The following PTPRU variants were observed in gnomAD, a reference collection of about 807,000 sequenced individuals.
The protein encoded by PTPRU is protein tyrosine phosphatase receptor type U.
A neutral mutation model predicts 166.3 loss-of-function variants in PTPRU; 69 were observed. The ratio of observed to expected loss-of-function variants is 0.41; its 90% CI spans 0.34 to 0.51. The LOEUF (loss-of-function observed/expected upper bound fraction) is 0.51. PTPRU is among the 20% of genes least tolerant of loss of function. The probability of loss-of-function intolerance (pLI) is 0.09; values close to 1 mark genes in which losing one functional copy is unlikely to be tolerated. For missense variants in PTPRU, 1,657 were observed against 2,013.7 expected, an observed-to-expected ratio of 0.82 and a Z score of 3.39; for synonymous variants, 793 against 814.0, an observed-to-expected ratio of 0.97 and a Z score of 0.44.
Position 29,317,755 on chromosome 1 carries a change from A to G in PTPRU, c.3521A>G (p.Asn1174Ser). Residue 1174 changes from asparagine to serine, a missense_variant, in exon 25 of 30, where the codon AAC (asparagine) becomes AGC (serine). Physicochemically the swap from Asn to Ser is conservative, Grantham distance 46 (BLOSUM62 1). This residue lies in a region of PTPRU where 1,190 missense variants were observed against 1,477.4 expected (regional missense o/e 0.81). Coordinates refer to ENST00000373779, the MANE Select transcript of PTPRU (RefSeq NM_133178.4). This position sits in a 1 kb window ranked among gnomAD's most constrained non-coding sequence, Gnocchi z 5.6. ...SQLREEFQTL[N>S]SVTPPLDVEE... ...CACCCCCGCTCCCTGTAGACGCTGAACTCGGTCACCCCGCCGCTGGACGTG... is the reference window on the plus strand; with the variant it reads ...CACCCCCGCTCCCTGTAGACGCTGAGCTCGGTCACCCCGCCGCTGGACGTG... The G allele has an allele frequency of 6.2e-7, 1 of 1,608,004 alleles. No homozygotes were observed. The highest frequency in any genetic ancestry group is 1.1e-5 in the South Asian group (1 of 90,952).
At chr1:29,306,023 C>T (rs771036881) in intron 18 of PTPRU, among the ~76,000 whole-genome samples, 6 of 152,164 alleles carry the variant, frequency 3.9e-5, no homozygotes, top group Admixed American at 6.5e-5. Context: ...GTGAGGAAAC[C>T]GGGGCTCAGA....
rs761261976 is a variant in PTPRU at position 29,305,416 on chromosome 1, C to T, written c.2808C>T (p.Ala936=). The T allele has an allele frequency of 8.1e-6, 13 of 1,613,738 alleles. No homozygotes were observed. In the South Asian group the frequency reaches 1.2e-4, roughly 15 times the overall value. Residue 936 remains alanine, a synonymous_variant, in exon 18 of 30, where the codon GCC becomes GCT. Transcript: ENST00000373779. ...ACCCCAATGCCGACTACATTAATGC[C>T]AACTACATAGATGTGAGTGCCTTGC... ...LGDPNADYIN[A]NYIDGYHRSN...
intron 1 of PTPRU, among the ~76,000 whole-genome samples, chr1:29,245,595 G>A (rs116765490): frequency 9.9e-4 from 151 of 152,318 alleles, no homozygotes; most frequent in African/African-American, 3.5e-3. Flanking sequence ...ATTGCATTGA[G>A]GGTGTGCGTT....
chr1:29,261,191 G>A (rs1463148042), intron 7 of PTPRU, among the ~76,000 whole-genome samples: 8 of 152,314 alleles, frequency 5.3e-5, no homozygotes, highest in African/African-American at 1.9e-4. Flanking sequence ...ATGTGACTGA[G>A]GTACAGAGAT....
At position 29,259,663 on chromosome 1, in the gene PTPRU, T is replaced by C. The variant is rs927979899; in HGVS notation, c.675+99T>C. ...CCCAGATTGCTGAGTCCCTGCTTCA[T>C]ACTCCAGCACTGCGCACAGCGTCCC... On this transcript the variant is annotated intron_variant, in intron 5 of 29. Coordinates refer to ENST00000373779, the MANE Select transcript of PTPRU (RefSeq NM_133178.4). The C allele has an allele frequency of 5.0e-5, 66 of 1,310,698 alleles. 1 individual carries two copies. In the Admixed American group the frequency reaches 8.1e-4, roughly 16 times the overall value. 81.2% of individuals were successfully genotyped at this position (1,310,698 alleles called of 1,614,324 possible).
At chr1:29,313,036 C>T (rs749083681) in intron 22 of PTPRU, among the ~76,000 whole-genome samples, 1 of 152,200 alleles carries the variant, frequency 6.6e-6, no homozygotes, top group Non-Finnish European at 1.5e-5. Context: ...TTGTTGCACA[C>T]CTGCCGCGTG....
chr1:29,255,498 C>G, intron 2 of PTPRU, 92 bp downstream of exon 2: 1 of 1,519,458 alleles, frequency 6.6e-7, no homozygotes, highest in Non-Finnish European at 9.0e-7. Context: ...ATTACTTAAC[C>G]TCTCTGGGCC....
In PTPRU at chr1:29,303,849, C is replaced by T; in HGVS notation, c.2477-6C>T. 1 of 1,599,384 alleles carries T rather than the reference C, an allele frequency of 6.3e-7. No homozygotes were observed. The highest frequency in any genetic ancestry group is 8.6e-7 in the Non-Finnish European group (1 of 1,168,712). On this transcript the variant is annotated splice_region_variant and splice_polypyrimidine_tract_variant and intron_variant, in intron 15 of 29. Transcript: ENST00000373779. ...CAAGAACCCTTTTGTCTTTCTCTGA[C>T]TGCAGGAGACCAGCGCAGCGGTGGG... is the stretch of plus-strand genomic sequence containing the variant.
In PTPRU at chr1:29,275,516, G is replaced by A. The variant is rs201530682; in HGVS notation, c.1213G>A (p.Glu405Lys). Residue 405 changes from glutamate (E) to lysine (K), a missense_variant, in exon 8 of 30, where the codon GAA (glutamate) becomes AAA (lysine). This residue lies in a region of PTPRU where 1,190 missense variants were observed against 1,477.4 expected (regional missense o/e 0.81). Coordinates refer to ENST00000373779, the MANE Select transcript of PTPRU (RefSeq NM_133178.4). ...GGCCCGTCAGCTGACCCTGCAGTGG[G>A]AACCACTGGGCTACAACGTGACGCG... The part of the protein sequence containing the change: ...IQARQLTLQW[E>K]PLGYNVTRCH... The A allele has an allele frequency of 6.2e-7, 1 of 1,614,166 alleles. No homozygotes were observed. The highest frequency in any genetic ancestry group is 2.2e-5 in the East Asian group (1 of 44,890).
At chr1:29,310,859 C>G (rs964632227) in intron 19 of PTPRU, 79 bp downstream of exon 19, 3 of 1,500,024 alleles carry the variant, frequency 2.0e-6, no homozygotes, top group Non-Finnish European at 2.8e-6. Flanking sequence ...GCCTTTCTGC[C>G]TCCCCTGCTG....
rs958470597 is a variant in PTPRU, at chr1:29,326,112, G to C, written c.*451G>C. On this transcript the variant is annotated 3_prime_UTR_variant, in exon 30 of 30. Coordinates refer to ENST00000373779, the MANE Select transcript of PTPRU (RefSeq NM_133178.4). ...GTGGGTAGAGGATGTACTGGGACTT[G>C]GCATTTAGGATTCCATCTGGCCCAG... is the stretch of plus-strand genomic sequence containing the variant. The C allele has an allele frequency of 3.1e-5, 12 of 387,110 alleles. No homozygotes were observed. In the Admixed American group the frequency reaches 4.9e-4, roughly 16 times the overall value. 24.0% of individuals were successfully genotyped at this position (387,110 alleles called of 1,614,324 possible). A position where few individuals can be genotyped will look rare whatever the true frequency, so the allele number is the denominator to read the frequency against.
In PTPRU at chr1:29,275,467, A is replaced by G; in HGVS notation, c.1164A>G (p.Lys388=). 1 of 1,613,782 alleles carries G rather than the reference A, an allele frequency of 6.2e-7. No homozygotes were observed. The highest frequency in any genetic ancestry group is 8.5e-7 in the Non-Finnish European group (1 of 1,179,700). The change falls in exon 8 of 30, where the codon AAA becomes AAG. Residue 388 remains lysine, a synonymous_variant. Transcript: ENST00000373779. ...CTCCAGAGCCCATGAGGGCCCCCAA[A>G]GGCCTGGCTTTTGCTGAGATCCAGG... ...TKCAEPMRAP[K]GLAFAEIQAR...
chr1:29,259,558 C>T lies in PTPRU; in HGVS notation c.669C>T (p.Leu223=), dbSNP rs1273866381. 1.6e-6 allele frequency: 2 copies of T among 1,217,604 alleles called. No homozygotes were observed. Among genetic ancestry groups the T allele is most frequent in the East Asian group, 5.1e-5 (1 of 19,784 alleles). The allele number at this position is 1,217,604 out of a possible 1,614,324, so 75.4% of individuals were successfully genotyped here. ...AGRAAEAERF[L]LQRQSGALVP... is the part of the protein sequence containing the mutation. ...GAGCGGCCGAGGCCGAACGCTTCCT[C>T]TTGCAAGTGAGCGGGAGCGGTGATC... Residue 223 remains leucine (L), a synonymous_variant, in exon 5 of 30, where the codon CTC becomes CTT. Coordinates refer to ENST00000373779, the MANE Select transcript of PTPRU (RefSeq NM_133178.4).
intron 16 of PTPRU, 132 bp downstream of exon 16, chr1:29,304,177 C>T (rs1276534141): frequency 1.9e-6 from 2 of 1,061,862 alleles, no homozygotes; most frequent in Non-Finnish European, 2.6e-6. Flanking sequence ...TCCAACTCAA[C>T]CTTTTTGACC....
At chr1:29,302,612 C>T (rs1388697557) in intron 15 of PTPRU, among the ~76,000 whole-genome samples, 3 of 151,998 alleles carry the variant, frequency 2.0e-5, no homozygotes, top group African/African-American at 2.4e-5. Flanking sequence ...TGCAGTGGCG[C>T]GATCTTGGCT....
At position 29,326,545 on chromosome 1, in the gene PTPRU, G is replaced by C. The variant is rs1343343738; in HGVS notation, c.*884G>C. ...CCCGTTGTGGGGAGGGGCAGTGTTA[G>C]AGCAGGGCTGGTCATACCCTCTGGA... On this transcript the variant is annotated 3_prime_UTR_variant, in exon 30 of 30. Coordinates refer to ENST00000373779, the MANE Select transcript of PTPRU (RefSeq NM_133178.4). 6.6e-6 allele frequency: 1 copy of C among 152,670 alleles called. No individual in the cohort carries two copies. The highest frequency in any genetic ancestry group is 1.5e-5 in the Non-Finnish European group (1 of 68,084). 9.5% of individuals were successfully genotyped at this position (152,670 alleles called of 1,614,324 possible). A position where few individuals can be genotyped will look rare whatever the true frequency, so the allele number is the denominator to read the frequency against.
chr1:29,254,359 T>G (rs1404668993), intron 1 of PTPRU, among the ~76,000 whole-genome samples: 1 of 152,210 alleles, frequency 6.6e-6, no homozygotes, highest in Non-Finnish European at 1.5e-5. Context: ...TGGACCTCAT[T>G]ACCAACCAAA....
chr1:29,296,719 G>C (rs929675138), intron 15 of PTPRU, among the ~76,000 whole-genome samples: 1 of 139,008 alleles, frequency 7.2e-6, no homozygotes, highest in African/African-American at 2.6e-5. Flanking sequence ...ACAGGGTTTT[G>C]TCATGTTGTC....
At chr1:29,322,553 C>A (rs896363614) in intron 26 of PTPRU, among the ~76,000 whole-genome samples, 1 of 152,028 alleles carries the variant, frequency 6.6e-6, no homozygotes, top group Non-Finnish European at 1.5e-5. Context: ...GGGTTCTGAA[C>A]GCACAGGGTT....
Sources: allele counts gnomAD v4.1 joint callset (sites outside exome capture counted in the v4.1 genomes callset), GRCh38; gene constraint gnomAD v4.1.1; regional missense constraint gnomAD v4.1.1; non-coding constraint Gnocchi (gnomAD v3.1); transcripts MANE v1.5; gene names NCBI Gene and HGNC (gene_info 2026-07-23, HGNC 2026-07-21).